Variants in VCPKMT observed in about 807,000 individuals in gnomAD.
The protein encoded by VCPKMT is protein N-lysine methyltransferase METTL21D.
VCPKMT carries 32 observed loss-of-function variants against 28.6 expected under a neutral mutation model. The observed-to-expected ratio is 1.12, with a 90% confidence interval of 0.84 to 1.50. The LOEUF (loss-of-function observed/expected upper bound fraction) is 1.50. Among genes scored for constraint, VCPKMT ranks in the 40% most tolerant of loss-of-function variants. The probability of loss-of-function intolerance (pLI) is 0.00; values close to 1 mark genes in which losing one functional copy is unlikely to be tolerated. For missense variants in VCPKMT, 366 were observed against 285.0 expected (o/e 1.28, Z -2.05); for synonymous variants, 138 against 111.4 (o/e 1.24, Z -1.50).
downstream of VCPKMT, among the ~76,000 whole-genome samples, chr14:50,107,489 T>G (rs1022038939): frequency 3.3e-5 from 5 of 152,118 alleles, no homozygotes; most frequent in Admixed American, 6.5e-5. Flanking sequence ...AATTTTTGTA[T>G]TTTTAGTAGA....
chr14:50,112,673 T>G lies in VCPKMT; in HGVS notation c.617A>C (p.His206Pro). The G allele has an allele frequency of 6.3e-7, 1 of 1,577,126 alleles. No individual in the cohort carries two copies. Among genetic ancestry groups the G allele is most frequent in the Non-Finnish European group, 8.6e-7 (1 of 1,158,202 alleles). Residue 206 changes from histidine (H) to proline (P), a missense_variant, in exon 5 of 6, where the codon CAT becomes CCT. Transcript: ENST00000395860. ...ATCTTCACTTCGATACTCTTCATCA[T>G]GTTTTTCCAAAGGAATTTTTTCAAA... is the stretch of plus-strand genomic sequence containing the variant. ...FDFEKIPLEK[H>P]DEEYRSEDIH...
downstream of VCPKMT, chr14:50,106,644 G>A (rs144566176): frequency 5.6e-3 from 5,489 of 985,272 alleles, 22 homozygotes; most frequent in Non-Finnish European, 6.2e-3. Context: ...CACAAATCCA[G>A]CCAGAAAGAG....
chr14:50,110,536 A>G (rs1298259238), intron 5 of VCPKMT, among the ~76,000 whole-genome samples: 1 of 152,344 alleles, frequency 6.6e-6, no homozygotes, highest in African/African-American at 2.4e-5. Flanking sequence ...TGAGATGGGT[A>G]TAATTAACAA....
chr14:50,104,215 C>T (rs1882248187), downstream of VCPKMT, among the ~76,000 whole-genome samples: 1 of 152,136 alleles, frequency 6.6e-6, no homozygotes, highest in African/African-American at 2.4e-5. Context: ...TTATCATTTG[C>T]AAATGATAGC....
Position 50,116,365 on chromosome 14 carries a change from G to T in VCPKMT, c.188C>A (p.Ala63Asp), listed in dbSNP as rs11157729. 289,253 of 1,612,288 alleles carry T rather than the reference G, an allele frequency of 0.18. 28,660 individuals are homozygous for T. The highest frequency in any genetic ancestry group is 0.47 in the East Asian group (21,244 of 44,802). ...CACCGACCGCCGGCTCAGCGCGTGG[G>T]CCCCGTCGCCAGAAAACTCGGGCGT... ...LETPEFSGDG[A>D]HALSRRSVLE... Residue 63 changes from alanine (A) to aspartate (D), a missense_variant, in exon 1 of 6, where the codon GCC becomes GAC. Coordinates refer to ENST00000395860, the MANE Select transcript of VCPKMT (RefSeq NM_024558.3).
At chr14:50,107,163 T>G (rs1038407161), downstream of VCPKMT, among the ~76,000 whole-genome samples, 3 of 152,246 alleles carry the variant, frequency 2.0e-5, no homozygotes, top group East Asian at 5.8e-4. Context: ...GGAATAGTAG[T>G]TGGTGATGGA....
At chr14:50,112,783 G>A (rs1882790862) in intron 4 of VCPKMT, 64 bp from the exon 5 acceptor site, 3 of 1,175,022 alleles carry the variant, frequency 2.6e-6, no homozygotes, top group African/African-American at 3.1e-5. Flanking sequence ...GGTGACAGAA[G>A]TCAGAATGCT....
downstream of VCPKMT, chr14:50,106,729 T>G: frequency 1.2e-6 from 1 of 805,206 alleles, no homozygotes; most frequent in Non-Finnish European, 1.5e-6. Context: ...TGCGGTTTTG[T>G]TTTTTTGAGA....
At chr14:50,111,617 C>A in intron 5 of VCPKMT, 1 of 985,432 alleles carries the variant, frequency 1.0e-6, no homozygotes, top group Non-Finnish European at 1.2e-6. Context: ...GCAGCTCACA[C>A]CTGTAATCCC....
chr14:50,115,778 T>C (rs1409082922), intron 3 of VCPKMT, 61 bp downstream of exon 3: 2 of 1,536,880 alleles, frequency 1.3e-6, no homozygotes, highest in East Asian at 2.3e-5. Context: ...ACGTGTGCTT[T>C]AGAATTCATG....
Position 50,109,086 on chromosome 14 carries a change from T to C in VCPKMT, c.*613A>G, listed in dbSNP as rs1254930921. ...AGTACAATTTACTGATTAAATCACA[T>C]AGATATGTATGGTGGAGGAAAAGAA... On this transcript the variant is annotated 3_prime_UTR_variant, in exon 6 of 6. Transcript: ENST00000395860. The C allele has an allele frequency of 4.1e-6, 4 of 978,826 alleles. No individual in the cohort carries two copies. The highest frequency in any genetic ancestry group is 4.7e-5 in the South Asian group (1 of 21,176). 60.6% of individuals were successfully genotyped at this position (978,826 alleles called of 1,614,324 possible).
At chr14:50,111,845 C>T in intron 5 of VCPKMT, 1 of 916,016 alleles carries the variant, frequency 1.1e-6, no homozygotes, top group East Asian at 1.2e-4. Flanking sequence ...GCCGAGATTG[C>T]ACCACTGTAC....
chr14:50,112,303 T>C (rs1473538073), intron 5 of VCPKMT, among the ~76,000 whole-genome samples: 2 of 145,712 alleles, frequency 1.4e-5, no homozygotes, highest in African/African-American at 2.6e-5. Context: ...CTCAGAACTT[T>C]GGGAGGCCGA....
At chr14:50,106,662 G>A (rs1250834554), downstream of VCPKMT, 2 of 983,664 alleles carry the variant, frequency 2.0e-6, no homozygotes, top group Admixed American at 6.2e-5. Context: ...GAGAAATACT[G>A]GTCTCCCATA....
At chr14:50,110,772 A>G (rs565195115) in intron 5 of VCPKMT, among the ~76,000 whole-genome samples, 58 of 152,346 alleles carry the variant, frequency 3.8e-4, no homozygotes, top group African/African-American at 1.3e-3. Flanking sequence ...CATCTCATCA[A>G]TGGATGGATA....
intron 4 of VCPKMT, among the ~76,000 whole-genome samples, chr14:50,113,678 A>C (rs1024776279): frequency 1.3e-5 from 2 of 152,016 alleles, no homozygotes; most frequent in African/African-American, 4.8e-5. Context: ...TGTAGAGAAA[A>C]ACACAGAAGT....
downstream of VCPKMT, among the ~76,000 whole-genome samples, chr14:50,107,461 ACGC>A (rs755178171): frequency 1.3e-5 from 2 of 152,040 alleles, no homozygotes; most frequent in Non-Finnish European, 2.9e-5. Context: ...ATTACAGTGC[ACGC>A]CACCATGCCA....
intron 4 of VCPKMT, 92 bp from the exon 5 acceptor site, chr14:50,112,811 G>A: frequency 1.2e-6 from 1 of 843,524 alleles, no homozygotes; most frequent in Non-Finnish European, 1.8e-6. Flanking sequence ...TTTTTTTTGA[G>A]AGTCTCACTC....
At chr14:50,111,749 G>T in intron 5 of VCPKMT, 1 of 609,290 alleles carries the variant, frequency 1.6e-6, no homozygotes, top group Non-Finnish European at 2.1e-6. Context: ...AGCTGGGCAT[G>T]GTGGTGCATG....
Sources: allele counts gnomAD v4.1 joint callset (sites outside exome capture counted in the v4.1 genomes callset), GRCh38; gene constraint gnomAD v4.1.1; transcripts MANE v1.5; gene names NCBI Gene and HGNC (gene_info 2026-07-23, HGNC 2026-07-21).